Variants in CDH12 observed in about 807,000 individuals in gnomAD.
CDH12 encodes cadherin-12.
CDH12 carries 41 observed loss-of-function variants against 74.1 expected under a neutral mutation model. The observed-to-expected ratio is 0.55, with a 90% CI of 0.43 to 0.72. The LOEUF (loss-of-function observed/expected upper bound fraction) is 0.72, where lower values mean the gene tolerates loss of function less well. CDH12 is among the 30% of genes least tolerant of loss of function. The pLI is 0.00. For missense variants in CDH12, 945 were observed against 977.2 expected, an observed-to-expected ratio of 0.97 and a Z score of 0.44; for synonymous variants, 399 against 355.0, an observed-to-expected ratio of 1.12 and a Z score of -1.39.
chr5:22,006,753 A>G lies in CDH12; in HGVS notation c.232-31368T>C, dbSNP rs139638567. 3.4e-3 allele frequency among the ~76,000 whole-genome samples: 525 copies of G among 152,282 alleles called. 1 individual carries two copies. Among genetic ancestry groups the G allele is most frequent in the African/African-American group, 0.012 (511 of 41,566 alleles). On this transcript the variant is annotated intron_variant, in intron 5 of 14. Coordinates refer to ENST00000382254, the MANE Select transcript of CDH12 (RefSeq NM_004061.5). ...TCAGGGTCCTCATCTGTATAATCTGATCACTGACAGTAACTAGCACATTAG... is the reference window on the plus strand; with the variant it reads ...TCAGGGTCCTCATCTGTATAATCTGGTCACTGACAGTAACTAGCACATTAG...
intron 1 of CDH12, among the ~76,000 whole-genome samples, chr5:22,701,743 A>G (rs1222890893): frequency 6.6e-6 from 1 of 152,120 alleles, no homozygotes; most frequent in African/African-American, 2.4e-5. Context: ...ATCTTCTGAA[A>G]ACCTTTTCCC....
At chr5:22,032,054 T>A (rs1238540913) in intron 5 of CDH12, among the ~76,000 whole-genome samples, 1 of 151,622 alleles carries the variant, frequency 6.6e-6, no homozygotes, top group Non-Finnish European at 1.5e-5. Flanking sequence ...CAAAGCTCAA[T>A]AAAGTGAAAT....
At chr5:21,826,047 C>T (rs186997579) in intron 8 of CDH12, among the ~76,000 whole-genome samples, 15 of 152,250 alleles carry the variant, frequency 9.9e-5, no homozygotes, top group East Asian at 3.9e-4. Flanking sequence ...ACTTTACAAA[C>T]GTGGTCAAGA....
At chr5:22,462,976 G>A (rs914055600) in intron 2 of CDH12, among the ~76,000 whole-genome samples, 3 of 152,120 alleles carry the variant, frequency 2.0e-5, no homozygotes, top group Admixed American at 1.3e-4. Flanking sequence ...ATCATTAAAT[G>A]AAGAAACAAC....
chr5:21,984,874 A>G (rs936813412), intron 5 of CDH12, among the ~76,000 whole-genome samples: 1 of 152,206 alleles, frequency 6.6e-6, no homozygotes, highest in African/African-American at 2.4e-5. Context: ...CAAATAATTT[A>G]CAAACATCAT....
intron 1 of CDH12, among the ~76,000 whole-genome samples, chr5:22,722,464 A>G (rs907770979): frequency 6.6e-6 from 1 of 152,240 alleles, no homozygotes; most frequent in African/African-American, 2.4e-5. Context: ...GTTAAAATTC[A>G]TAATGACTCT....
Position 22,298,047 on chromosome 5 carries a change from T to A in CDH12, c.-332-85404A>T, listed in dbSNP as rs1040828682. On this transcript the variant is annotated intron_variant, in intron 3 of 14. Transcript: ENST00000382254. ...AGTGTTTGTTAATGGGAAATTCAAA[T>A]AAGTTTAACTCTTCCATCTAGTCCT... Among the ~76,000 whole-genome samples the A allele has an allele frequency of 2.6e-5, 4 of 151,640 alleles. No homozygotes were observed. The East Asian group carries it at 7.7e-4, about 29-fold the overall frequency.
rs994226185 is a variant in CDH12, at chr5:22,364,117, T to C, written c.-333+41140A>G. Among the ~76,000 whole-genome samples the C allele has an allele frequency of 2.0e-5, 3 of 152,186 alleles. No individual in the cohort carries two copies. In the South Asian group the frequency reaches 6.2e-4, roughly 32 times the overall value. ...TTTCCAATTTAATACAGTCTAGTTT[T>C]AAAAGATAAGATTGTATGGCTTTGT... On this transcript the variant is annotated intron_variant, in intron 3 of 14. Transcript: ENST00000382254.
intron 4 of CDH12, among the ~76,000 whole-genome samples, chr5:22,110,944 A>AT (rs762556565): frequency 6.6e-6 from 1 of 152,172 alleles, no homozygotes; most frequent in Non-Finnish European, 1.5e-5. Flanking sequence ...AGGGCAAGAG[A>AT]GAGGTTGGTC....
At chr5:22,836,992 TC>T (rs1736854843) in intron 1 of CDH12, among the ~76,000 whole-genome samples, 1 of 152,210 alleles carries the variant, frequency 6.6e-6, no homozygotes, top group East Asian at 1.9e-4. Context: ...TGAACTTTGT[TC>T]TTTTCAATAC....
At chr5:22,558,321 G>A (rs1426596237) in intron 1 of CDH12, among the ~76,000 whole-genome samples, 1 of 152,098 alleles carries the variant, frequency 6.6e-6, no homozygotes, top group Non-Finnish European at 1.5e-5. Context: ...TCAGATATCA[G>A]GAAACCTAAC....
chr5:21,948,087 C>T (rs773322176), intron 6 of CDH12, among the ~76,000 whole-genome samples: 5 of 152,264 alleles, frequency 3.3e-5, no homozygotes, highest in South Asian at 2.1e-4. Flanking sequence ...ATGTCCAGGC[C>T]GAGATTGGCT....
At chr5:22,672,673 T>G (rs1392652487) in intron 1 of CDH12, among the ~76,000 whole-genome samples, 1 of 152,184 alleles carries the variant, frequency 6.6e-6, no homozygotes, top group Non-Finnish European at 1.5e-5. Flanking sequence ...TGTGGTATTT[T>G]GTTAAAGCAT....
chr5:22,666,280 A>ATTTTTTTTTT (rs1740609513), intron 1 of CDH12, among the ~76,000 whole-genome samples: 3 of 115,070 alleles, frequency 2.6e-5, no homozygotes, highest in Admixed American at 1.1e-4. Context: ...GTATCTCTCT[A>ATTTTTTTTTT]TCTTTTTTTT....
chr5:22,565,428 T>C (rs1739241720), intron 1 of CDH12, among the ~76,000 whole-genome samples: 1 of 152,214 alleles, frequency 6.6e-6, no homozygotes, highest in South Asian at 2.1e-4. Context: ...TCAAAATATC[T>C]TTGAAACTGA....
At chr5:22,035,206 G>C (rs566900274) in intron 5 of CDH12, among the ~76,000 whole-genome samples, 1 of 152,076 alleles carries the variant, frequency 6.6e-6, no homozygotes, top group East Asian at 1.9e-4. Flanking sequence ...GGGTCTTCTG[G>C]AAAATTGGAA....
intron 5 of CDH12, among the ~76,000 whole-genome samples, chr5:22,027,497 T>A (rs900411558): frequency 6.6e-6 from 1 of 152,168 alleles, no homozygotes; most frequent in Non-Finnish European, 1.5e-5. Context: ...ACAGAGCCTG[T>A]TATTGGTGTA....
At chr5:22,726,391 G>A (rs1251066659) in intron 1 of CDH12, among the ~76,000 whole-genome samples, 1 of 151,536 alleles carries the variant, frequency 6.6e-6, no homozygotes, top group Admixed American at 6.6e-5. Context: ...CCTTTTTAGT[G>A]CTAAATAATA....
Position 22,161,653 on chromosome 5 carries a change from T to C in CDH12, c.-187+50845A>G, listed in dbSNP as rs1748359545. The stretch of plus-strand genomic sequence containing the variant: ...ATTGCAGCGAGCTATAATTGTGCCA[T>C]TGAATTCCAGCCTGGATGACAGAAC... On this transcript the variant is annotated intron_variant, in intron 4 of 14. Transcript: ENST00000382254. Among the ~76,000 whole-genome samples the C allele has an allele frequency of 4.0e-5, 6 of 151,414 alleles. No individual in the cohort carries two copies. The South Asian group carries it at 1.3e-3, about 32-fold the overall frequency.
Sources: allele counts gnomAD v4.1 joint callset (sites outside exome capture counted in the v4.1 genomes callset), GRCh38; gene constraint gnomAD v4.1.1; transcripts MANE v1.5; gene names NCBI Gene and HGNC (gene_info 2026-07-23, HGNC 2026-07-21).